The following SLC16A2 variants were observed in gnomAD, a reference collection of about 807,000 sequenced individuals.
The protein encoded by SLC16A2 is solute carrier family 16 member 2, also known as monocarboxylate transporter 8.
In SLC16A2, 3 loss-of-function variants were observed where a neutral mutation model predicts 27.2. The observed-to-expected ratio is 0.11, with a 90% confidence interval of 0.05 to 0.28. The LOEUF (loss-of-function observed/expected upper bound fraction) is 0.28, where lower values mean the gene tolerates loss of function less well. Ranked by LOEUF, SLC16A2 falls within the 10% of genes least tolerant of loss-of-function variation. The pLI is 1.00. For missense variants in SLC16A2, 295 were observed against 458.5 expected (o/e 0.64, Z 3.26); for synonymous variants, 202 against 187.8 (o/e 1.08, Z -0.62).
chrX:74,489,626 CT>C (rs1929786013), intron 1 of SLC16A2, among the ~76,000 whole-genome samples: 1 of 111,169 alleles, frequency 9.0e-6, no homozygotes. Context: ...AATTAGAGCT[CT>C]TTTATATATT....
rs765500073 is a variant in SLC16A2, at chrX:74,439,158, C to CTCTTTCTTTCTT, written c.430+17109_430+17120dup. Among the ~76,000 whole-genome samples the CTCTTTCTTTCTT allele has an allele frequency of 9.2e-3, 575 of 62,201 alleles. 17 individuals are homozygous for CTCTTTCTTTCTT. Among genetic ancestry groups the CTCTTTCTTTCTT allele is most frequent in the African/African-American group, 0.043 (548 of 12,674 alleles). The allele number at this position is 62,201 out of a possible 115,157, so 54.0% of individuals were successfully genotyped here. ...CTCTCTCTCTCTCTGGCTTGCTCAA[C>CTCTTTCTTTCTT]TCTTTCTTTCTTTCTTTCTTTCTTT... On this transcript the variant is annotated intron_variant, in intron 1 of 5. Transcript: ENST00000587091.
At chrX:74,469,615 A>G (rs1929315606) in intron 1 of SLC16A2, among the ~76,000 whole-genome samples, 1 of 110,929 alleles carries the variant, frequency 9.0e-6, no homozygotes, top group Non-Finnish European at 1.9e-5. Context: ...GGCCATTTGT[A>G]TATCTTCTTT....
At chrX:74,501,337 C>T (rs1192936422) in intron 1 of SLC16A2, among the ~76,000 whole-genome samples, 1 of 111,271 alleles carries the variant, frequency 9.0e-6, no homozygotes, top group Non-Finnish European at 1.9e-5. Context: ...AACAGTTTGG[C>T]CTCTACTTGT....
At chrX:74,465,505 T>A (rs1423982229) in intron 1 of SLC16A2, among the ~76,000 whole-genome samples, 1 of 111,302 alleles carries the variant, frequency 9.0e-6, no homozygotes, top group African/African-American at 3.3e-5. Flanking sequence ...TCCCTGAGCC[T>A]CAAAGCCAGC....
intron 1 of SLC16A2, chrX:74,474,060 C>T: frequency 6.9e-6 from 1 of 145,115 alleles, no homozygotes; most frequent in Non-Finnish European, 1.4e-5. Context: ...AGTTCTCTTG[C>T]ATTTTCATAC....
At chrX:74,470,870 G>A (rs975688930) in intron 1 of SLC16A2, among the ~76,000 whole-genome samples, 2 of 110,852 alleles carry the variant, frequency 1.8e-5, no homozygotes, top group Non-Finnish European at 3.8e-5. Context: ...CCCAGGAGGC[G>A]GAGCTTGCAG....
At chrX:74,450,208 C>A (rs1320692823) in intron 1 of SLC16A2, among the ~76,000 whole-genome samples, 1 of 112,706 alleles carries the variant, frequency 8.9e-6, no homozygotes, top group Non-Finnish European at 1.9e-5. Flanking sequence ...CCATTATATG[C>A]CCCAGGGCCT....
chrX:74,442,079 T>G (rs1928758653), intron 1 of SLC16A2, among the ~76,000 whole-genome samples: 1 of 109,028 alleles, frequency 9.2e-6, no homozygotes, highest in African/African-American at 3.3e-5. Flanking sequence ...AAACACAAAA[T>G]TAGCCAGACG....
At chrX:74,479,728 T>C (rs1391272242) in intron 1 of SLC16A2, among the ~76,000 whole-genome samples, 1 of 112,351 alleles carries the variant, frequency 8.9e-6, no homozygotes, top group Non-Finnish European at 1.9e-5. Context: ...TGCAGGTGGG[T>C]TGGAGTTTGC....
intron 1 of SLC16A2, among the ~76,000 whole-genome samples, chrX:74,503,667 C>A (rs1304251402): frequency 8.9e-6 from 1 of 111,774 alleles, no homozygotes; most frequent in Non-Finnish European, 1.9e-5. Flanking sequence ...GTTAGGCCTA[C>A]TTCTGGTCTT....
Position 74,432,976 on chromosome X carries a change from G to C in SLC16A2, c.430+10909G>C, listed in dbSNP as rs186353971. On this transcript the variant is annotated intron_variant, in intron 1 of 5. Coordinates refer to ENST00000587091, the MANE Select transcript of SLC16A2 (RefSeq NM_006517.5). The stretch of plus-strand genomic sequence containing the variant: ...CTAAAGGCCACCAGTGTTATCTGGT[G>C]TGTCCCTTCAGAGATACTCTGTATA... Among the ~76,000 whole-genome samples the C allele has an allele frequency of 5.3e-5, 6 of 112,184 alleles. No individual in the cohort carries two copies. The East Asian group carries it at 1.7e-3, about 31-fold the overall frequency.
intron 1 of SLC16A2, among the ~76,000 whole-genome samples, chrX:74,434,008 G>A (rs1262011379): frequency 1.8e-5 from 2 of 112,162 alleles, no homozygotes; most frequent in African/African-American, 6.5e-5. Context: ...CGTACTAAGT[G>A]TTCACTAAGT....
At chrX:74,505,609 A>G (rs779221168) in intron 1 of SLC16A2, among the ~76,000 whole-genome samples, 3 of 112,139 alleles carry the variant, frequency 2.7e-5, no homozygotes, top group Non-Finnish European at 5.6e-5. Context: ...AGGCCCCCTG[A>G]CGGTGGAGCC....
At chrX:74,512,332 C>T (rs1930247193) in intron 1 of SLC16A2, among the ~76,000 whole-genome samples, 1 of 112,310 alleles carries the variant, frequency 8.9e-6, no homozygotes, top group African/African-American at 3.2e-5. Flanking sequence ...CTGGGTATAG[C>T]AGTTGGATAG....
intron 1 of SLC16A2, among the ~76,000 whole-genome samples, chrX:74,519,746 A>AC (rs1424472744): frequency 0.031 from 2,317 of 74,828 alleles, 449 homozygotes; most frequent in Non-Finnish European, 0.047. Context: ...AAAAAACGAA[A>AC]GAAAGAAAAA....
At chrX:74,477,682 C>T (rs1000689315) in intron 1 of SLC16A2, among the ~76,000 whole-genome samples, 5 of 111,945 alleles carry the variant, frequency 4.5e-5, no homozygotes, top group African/African-American at 1.3e-4. Flanking sequence ...TATGTTGTAT[C>T]TTTGTTCTCA....
chrX:74,498,850 G>A (rs747318862), intron 1 of SLC16A2, among the ~76,000 whole-genome samples: 6 of 111,651 alleles, frequency 5.4e-5, no homozygotes, highest in Non-Finnish European at 1.1e-4. Flanking sequence ...TCTGATCCCC[G>A]ACATGACCCC....
At position 74,421,566 on chromosome X, in the gene SLC16A2, T is replaced by C; in HGVS notation, c.-72T>C. ...CAGCAGCCCTCCGAGCAGCAGCAGC[T>C]GCAGCAGCAGAAACAAGTACCAGCC... On this transcript the variant is annotated 5_prime_UTR_variant, in exon 1 of 6. Transcript: ENST00000587091. 8.7e-7 allele frequency: 1 copy of C among 1,153,945 alleles called. No homozygotes were observed. Among genetic ancestry groups the C allele is most frequent in the Non-Finnish European group, 1.2e-6 (1 of 853,195 alleles).
intron 1 of SLC16A2, among the ~76,000 whole-genome samples, chrX:74,447,100 G>T (rs926824954): frequency 8.9e-6 from 1 of 112,173 alleles, no homozygotes; most frequent in African/African-American, 3.2e-5. Context: ...AACAGAGAAT[G>T]CATTCCTCCC....
Sources: gnomAD v4.1 joint callset for allele counts (sites outside exome capture counted in the v4.1 genomes callset) on GRCh38, gnomAD v4.1.1 for gene constraint, MANE v1.5 for transcripts, NCBI Gene and HGNC (gene_info 2026-07-23, HGNC 2026-07-21) for gene names.